The following TSC2 variants were observed in gnomAD, a reference collection of about 807,000 sequenced individuals.
TSC2 encodes tuberin.
A neutral mutation model predicts 202.2 loss-of-function variants in TSC2; 29 were observed. The observed-to-expected ratio is 0.14, with a 90% CI of 0.11 to 0.20. The LOEUF is 0.20. Among genes scored for constraint, TSC2 ranks in the 10% least tolerant of loss-of-function variants. TSC2 has a pLI of 1.00. For synonymous variants in TSC2, 1,349 were observed against 1,044.0 expected (o/e 1.29, Z -5.63); for missense variants, 2,429 against 2,420.0 (o/e 1.00, Z -0.08).
At chr16:2,086,122 C>T (rs542574477) in intron 36 of TSC2, 71 bp from the exon 37 acceptor site, 21 of 1,581,076 alleles carry the variant, frequency 1.3e-5, no homozygotes, top group African/African-American at 9.4e-5. Context: ...GCCTGCTGGG[C>T]ACCCCCACCC....
chr16:2,079,676 C>T lies in TSC2; in HGVS notation c.3397+7C>T, dbSNP rs767531844. On this transcript the variant is annotated splice_region_variant and intron_variant, in intron 29 of 41. Coordinates refer to ENST00000219476, the MANE Select transcript of TSC2 (RefSeq NM_000548.5). This position sits in a 1 kb window ranked among gnomAD's most constrained non-coding sequence, Gnocchi z 4.6. ...CGGGTCCGTTCCATGTCGGGTGAGC[C>T]TTGGCCCCAGCCACCTCCACACAGG... The T allele has an allele frequency of 5.7e-6, 9 of 1,576,682 alleles. No homozygotes were observed. Among genetic ancestry groups the T allele is most frequent in the Non-Finnish European group, 7.7e-6 (9 of 1,162,522 alleles).
intron 20 of TSC2, chr16:2,072,616 G>A: frequency 2.5e-6 from 2 of 805,096 alleles, no homozygotes; most frequent in Non-Finnish European, 1.9e-6. Flanking sequence ...TCTCCCATCT[G>A]TGCTTTTCCT....
Position 2,083,794 on chromosome 16 carries a change from G to A in TSC2, c.3983G>A (p.Arg1328Lys), listed in dbSNP as rs112885324. 5 of 1,611,582 alleles carry A rather than the reference G, an allele frequency of 3.1e-6. No homozygotes were observed. The highest frequency in any genetic ancestry group is 8.5e-7 in the Non-Finnish European group (1 of 1,179,668). ...GTTGAGGCAGCGCTAGGCATGGACA[G>A]GCGCACGGATGCCTACAGCAGGGTG... The part of the protein sequence containing the change: ...EDVEAALGMD[R>K]RTDAYSRSSS... The change falls in exon 33 of 42, where the codon AGG becomes AAG. Residue 1328 changes from arginine (R) to lysine (K), a missense_variant. Transcript: ENST00000219476.
In TSC2 at chr16:2,087,955, G is replaced by T. The variant is rs2151615464; in HGVS notation, c.5068+14G>T. ...AGTGCAGGAAAGGTAGGGCCGGGTG[G>T]GGCCCTGCAGTGCAGGAAAGGTAGG... On this transcript the variant is annotated intron_variant, in intron 39 of 41. Transcript: ENST00000219476. 6.2e-7 allele frequency: 1 copy of T among 1,604,688 alleles called. No individual in the cohort carries two copies. The highest frequency in any genetic ancestry group is 8.5e-7 in the Non-Finnish European group (1 of 1,174,108).
rs1811018177 is a variant in TSC2 at position 2,083,756 on chromosome 16, A to G, written c.3945A>G (p.Pro1315=). ...AGGTTCCTGTGCTGGTGGAGCCCCC[A>G]GGGTTGGAGGACGTTGAGGCAGCGC... ...PGEVPVLVEP[P]GLEDVEAALG... Residue 1315 remains proline (P), a synonymous_variant, in exon 33 of 42, where the codon CCA becomes CCG. Transcript: ENST00000219476. 1.2e-6 allele frequency: 2 copies of G among 1,609,578 alleles called. No individual in the cohort carries two copies. The highest frequency in any genetic ancestry group is 1.3e-5 in the African/African-American group (1 of 75,018).
chr16:2,071,092 C>G (rs530015472), intron 17 of TSC2, among the ~76,000 whole-genome samples: 2 of 152,210 alleles, frequency 1.3e-5, no homozygotes, highest in African/African-American at 4.8e-5. Context: ...GGAGCCCTCC[C>G]TCCTAGAGCA....
intron 25 of TSC2, 85 bp downstream of exon 25, chr16:2,076,670 C>A: frequency 2.1e-6 from 3 of 1,406,048 alleles, no homozygotes; most frequent in South Asian, 2.4e-5. Flanking sequence ...GCCTCCAAGT[C>A]AGTGAGTGGA....
rs1005075851 is a variant in TSC2 at position 2,072,699 on chromosome 16, G to A, written c.2221-150G>A. On this transcript the variant is annotated intron_variant, in intron 20 of 41. Transcript: ENST00000219476. Reference sequence around the variant, plus strand: ...GGCAGGCACTCCCACCACTCCGAAAGGGAGGCCCTTCCTGGGAGGGAGGCA... The same window carrying A: ...GGCAGGCACTCCCACCACTCCGAAAAGGAGGCCCTTCCTGGGAGGGAGGCA... The A allele has an allele frequency of 1.1e-4, 139 of 1,320,428 alleles. 1 individual carries two copies. Among genetic ancestry groups the A allele is most frequent in the Non-Finnish European group, 1.4e-4 (132 of 947,234 alleles). 81.8% of individuals were successfully genotyped at this position (1,320,428 alleles called of 1,614,324 possible).
At chr16:2,053,253 C>T in intron 3 of TSC2, 89 bp from the exon 4 acceptor site, 3 of 1,333,294 alleles carry the variant, frequency 2.3e-6, no homozygotes, top group Non-Finnish European at 3.2e-6. Context: ...TTGTTCCTCC[C>T]TGTCCTCCGC....
intron 25 of TSC2, chr16:2,077,315 C>T: frequency 2.2e-6 from 1 of 462,108 alleles, no homozygotes; most frequent in South Asian, 2.1e-5. Context: ...GGGTGACCCA[C>T]ACACGTTTAA....
At position 2,088,267 on chromosome 16, in the gene TSC2, A is replaced by G. The variant is rs878854117; in HGVS notation, c.5201A>G (p.Asp1734Gly). 1.9e-6 allele frequency: 3 copies of G among 1,612,986 alleles called. No individual in the cohort carries two copies. Among genetic ancestry groups the G allele is most frequent in the Non-Finnish European group, 2.5e-6 (3 of 1,180,014 alleles). The change falls in exon 41 of 42, where the codon GAT (aspartate) becomes GGT (glycine). Residue 1734 changes from aspartate (D) to glycine (G), a missense_variant. Coordinates refer to ENST00000219476, the MANE Select transcript of TSC2 (RefSeq NM_000548.5). ...QVHHSRSNPTDIYPSKWIARL... is the reference protein window; with the variant it reads ...QVHHSRSNPTGIYPSKWIARL... ...CATCATAGCCGCTCCAACCCCACCG[A>G]TATCTACCCCTCCAAGTGGATTGCC...
chr16:2,066,947 C>T (rs2087463332), intron 16 of TSC2, among the ~76,000 whole-genome samples: 1 of 152,040 alleles, frequency 6.6e-6, no homozygotes, highest in Admixed American at 6.6e-5. Context: ...CAGGTGTGAG[C>T]CACCACGCCC....
At chr16:2,084,157 C>T (rs2090470469) in intron 33 of TSC2, 71 bp from the exon 34 acceptor site, 2 of 1,549,710 alleles carry the variant, frequency 1.3e-6, no homozygotes, top group South Asian at 1.2e-5. Flanking sequence ...GCCTCACCAC[C>T]TCCAGGTCAA....
intron 37 of TSC2, 62 bp from the exon 38 acceptor site, chr16:2,086,670 T>C (rs536059968): frequency 3.1e-6 from 5 of 1,599,686 alleles, no homozygotes; most frequent in Non-Finnish European, 2.5e-6. Context: ...GGTGCCCCAG[T>C]GCAAGGCACA....
intron 30 of TSC2, 167 bp from the exon 31 acceptor site, chr16:2,081,428 A>G: frequency 1.2e-6 from 1 of 861,828 alleles, no homozygotes; most frequent in Non-Finnish European, 1.9e-6. Context: ...GCGGGGCAGC[A>G]GGGTGGGTGG....
chr16:2,081,869 G>A (rs990998814), intron 31 of TSC2, 71 bp downstream of exon 31: 1 of 1,569,864 alleles, frequency 6.4e-7, no homozygotes, highest in Non-Finnish European at 8.6e-7. Context: ...ACGGCAATGT[G>A]GCTCCTCTCT....
rs1402961451 is a variant in TSC2, at chr16:2,058,624, C to T, written c.849-123C>T. The T allele has an allele frequency of 2.1e-6, 3 of 1,446,800 alleles. No individual in the cohort carries two copies. The African/African-American group carries it at 4.2e-5, about 20-fold the overall frequency. 89.6% of individuals were successfully genotyped at this position (1,446,800 alleles called of 1,614,324 possible). On this transcript the variant is annotated intron_variant, in intron 9 of 41. Coordinates refer to ENST00000219476, the MANE Select transcript of TSC2 (RefSeq NM_000548.5). ...TCCCTGCCCTTCCCCAGCGGTGCTCCTGCCCCCCCCAAGCACAGGGACCTC... is the reference window on the plus strand; with the variant it reads ...TCCCTGCCCTTCCCCAGCGGTGCTCTTGCCCCCCCCAAGCACAGGGACCTC...
At position 2,087,959 on chromosome 16, in the gene TSC2, C is replaced by A. The variant is rs1036320970; in HGVS notation, c.5068+18C>A. On this transcript the variant is annotated intron_variant, in intron 39 of 41. Transcript: ENST00000219476. ...CAGGAAAGGTAGGGCCGGGTGGGGCCCTGCAGTGCAGGAAAGGTAGGGCCG... is the reference window on the plus strand; with the variant it reads ...CAGGAAAGGTAGGGCCGGGTGGGGCACTGCAGTGCAGGAAAGGTAGGGCCG... 1.9e-6 allele frequency: 3 copies of A among 1,612,364 alleles called. No homozygotes were observed. The highest frequency in any genetic ancestry group is 2.5e-6 in the Non-Finnish European group (3 of 1,179,696).
At position 2,076,384 on chromosome 16, in the gene TSC2, C is replaced by CCCCTAGCCTGCAGCTTGT. The variant is rs2089370833; in HGVS notation, c.2743-102_2743-85dup. 7 of 1,585,690 alleles carry CCCCTAGCCTGCAGCTTGT rather than the reference C, an allele frequency of 4.4e-6. 1 individual carries two copies. In the Middle Eastern group the frequency reaches 8.2e-4, roughly 187 times the overall value. ...GTGGGAGCTGGGTGCCGCCGCCTTGCCCCTAGCCTGCAGCTTGTCCCTGGC... is the reference window on the plus strand; with the variant it reads ...GTGGGAGCTGGGTGCCGCCGCCTTGCCCCTAGCCTGCAGCTTGTCCCTAGCCTGCAGCTTGTCCCTGGC... On this transcript the variant is annotated intron_variant, in intron 24 of 41. Coordinates refer to ENST00000219476, the MANE Select transcript of TSC2 (RefSeq NM_000548.5).
Sources: allele counts gnomAD v4.1 joint callset (sites outside exome capture counted in the v4.1 genomes callset), GRCh38; gene constraint gnomAD v4.1.1; non-coding constraint Gnocchi (gnomAD v3.1); transcripts MANE v1.5; gene names NCBI Gene and HGNC (gene_info 2026-07-23, HGNC 2026-07-21).